Variants in TRIT1 observed in about 807,000 individuals in gnomAD.
The protein encoded by TRIT1 is tRNA isopentenyltransferase 1, also known as tRNA dimethylallyltransferase.
A neutral mutation model predicts 51.2 loss-of-function variants in TRIT1; 43 were observed. The ratio of observed to expected loss-of-function variants is 0.84; its 90% confidence interval spans 0.66 to 1.08. The LOEUF is 1.08. Ranked by LOEUF, TRIT1 falls within the 50% of genes least tolerant of loss-of-function variation. The pLI is 0.00. For synonymous variants in TRIT1, 184 were observed against 203.9 expected, an observed-to-expected ratio of 0.90 and a Z score of 0.83; for missense variants, 528 against 578.4, an observed-to-expected ratio of 0.91 and a Z score of 0.89.
chr1:39,845,692 C>T (rs777499474), intron 8 of TRIT1, among the ~76,000 whole-genome samples: 1 of 152,204 alleles, frequency 6.6e-6, no homozygotes, highest in Non-Finnish European at 1.5e-5. Flanking sequence ...GCTTCTGTGC[C>T]CTGTCTAAGC....
At chr1:39,864,910 C>A (rs538479270) in intron 1 of TRIT1, among the ~76,000 whole-genome samples, 1 of 152,192 alleles carries the variant, frequency 6.6e-6, no homozygotes, top group South Asian at 2.1e-4. Context: ...TCCTTCCCTG[C>A]AAGTTATCTT....
rs1041392283 is a variant in TRIT1, at chr1:39,847,393, G to A, written c.929-96C>T. 8.1e-5 allele frequency: 118 copies of A among 1,451,732 alleles called. 1 individual carries two copies. Among genetic ancestry groups the A allele is most frequent in the Admixed American group, 3.3e-4 (19 of 57,430 alleles). 89.9% of individuals were successfully genotyped at this position (1,451,732 alleles called of 1,614,324 possible). The stretch of plus-strand genomic sequence containing the variant: ...AGCCCAGCAGGAAAAAGTCAGCCAC[G>A]GCAGTGCAATGTCAGACTTGGTGGA... On this transcript the variant is annotated intron_variant, in intron 7 of 10. Coordinates refer to ENST00000316891, the MANE Select transcript of TRIT1 (RefSeq NM_017646.6).
rs1642745646 is a variant in TRIT1, at chr1:39,853,978, T to C, written c.406A>G (p.Asn136Asp). The C allele has an allele frequency of 6.2e-7, 1 of 1,611,460 alleles. No homozygotes were observed. The highest frequency in any genetic ancestry group is 8.5e-7 in the Non-Finnish European group (1 of 1,178,660). Reference sequence around the variant, plus strand: ...GAGTGAACTAAACTTACCTTGGTATTGACAAGAACTTTCCAGAGCAGAGAT... The same window carrying C: ...GAGTGAACTAAACTTACCTTGGTATCGACAAGAACTTTCCAGAGCAGAGAT... The part of the protein sequence containing the change: ...IESLLWKVLV[N>D]TKPQEMGTEK... The change falls in exon 3 of 11, where the codon AAT becomes GAT. Residue 136 changes from asparagine (N) to aspartate (D), a missense_variant. This residue lies in a region of TRIT1 where 468 missense variants were observed against 522.6 expected (regional missense o/e 0.90). Coordinates refer to ENST00000316891, the MANE Select transcript of TRIT1 (RefSeq NM_017646.6).
chr1:39,844,998 T>G (rs138524294), intron 8 of TRIT1, among the ~76,000 whole-genome samples: 1 of 152,308 alleles, frequency 6.6e-6, no homozygotes, highest in African/African-American at 2.4e-5. Flanking sequence ...TATTCTAAGT[T>G]CCATATCATC....
At chr1:39,845,964 A>G (rs1446887999) in intron 8 of TRIT1, among the ~76,000 whole-genome samples, 1 of 152,248 alleles carries the variant, frequency 6.6e-6, no homozygotes, top group Non-Finnish European at 1.5e-5. Flanking sequence ...TGGAGGAATT[A>G]TTGTGGTTTT....
intron 9 of TRIT1, 67 bp from the exon 10 acceptor site, chr1:39,844,285 G>A (rs1642095858): frequency 1.5e-6 from 2 of 1,344,942 alleles, no homozygotes; most frequent in Non-Finnish European, 2.1e-6. Flanking sequence ...TCTATTAAGG[G>A]AAATGGGATT....
At chr1:39,877,837 T>C (rs545451503) in intron 1 of TRIT1, among the ~76,000 whole-genome samples, 3 of 152,358 alleles carry the variant, frequency 2.0e-5, no homozygotes, top group East Asian at 1.9e-4. Context: ...GACAGCTCTT[T>C]AATCTTCTGT....
rs1035831625 is a variant in TRIT1, at chr1:39,838,990, A to G, written c.*2754T>C. 2.0e-5 allele frequency among the ~76,000 whole-genome samples: 3 copies of G among 152,236 alleles called. No homozygotes were observed. Among genetic ancestry groups the G allele is most frequent in the Non-Finnish European group, 4.4e-5 (3 of 68,042 alleles). On this transcript the variant is annotated 3_prime_UTR_variant, in exon 11 of 11. Transcript: ENST00000316891. ...AATCAAGCAAAGTATTTTCAAGTCT[A>G]GATCTCTCTTCAGAATCAAAGTACT...
chr1:39,844,435 AAAG>A (rs1181604184), intron 9 of TRIT1, 93 bp downstream of exon 9: 3 of 1,047,980 alleles, frequency 2.9e-6, no homozygotes, highest in African/African-American at 3.2e-5. Flanking sequence ...ATTCTATGGA[AAAG>A]AAGGCCTGGT....
At position 39,853,707 on chromosome 1, in the gene TRIT1, T is replaced by C. The variant is rs2311342; in HGVS notation, c.414+263A>G. Among the ~76,000 whole-genome samples, 86,165 of 152,020 alleles carry C rather than the reference T, an allele frequency of 0.57. 26,565 individuals are homozygous for C. The highest frequency in any genetic ancestry group is 0.83 in the African/African-American group (34,479 of 41,498). ...GATTACAGGTGTGAGCCACCACGCC[T>C]GGCCTAATGAACTGTTAATTTATAT... On this transcript the variant is annotated intron_variant, in intron 3 of 10. Transcript: ENST00000316891.
chr1:39,839,203 C>T lies in TRIT1; in HGVS notation c.*2541G>A. On this transcript the variant is annotated 3_prime_UTR_variant, in exon 11 of 11. Coordinates refer to ENST00000316891, the MANE Select transcript of TRIT1 (RefSeq NM_017646.6). ...TGGATACCTGGACTGGAGGGCTCTGCTTGCCTTGGGATTGCTATGGCCAGA... is the reference window on the plus strand; with the variant it reads ...TGGATACCTGGACTGGAGGGCTCTGTTTGCCTTGGGATTGCTATGGCCAGA... 6.6e-6 allele frequency among the ~76,000 whole-genome samples: 1 copy of T among 152,162 alleles called. No individual in the cohort carries two copies. Among genetic ancestry groups the T allele is most frequent in the East Asian group, 1.9e-4 (1 of 5,192 alleles).
intron 1 of TRIT1, among the ~76,000 whole-genome samples, chr1:39,858,532 GC>G (rs1325783608): frequency 1.3e-5 from 2 of 152,160 alleles, no homozygotes; most frequent in Non-Finnish European, 1.5e-5. Flanking sequence ...CATTTTAAGG[GC>G]CACATTGAGG....
rs531940878 is a variant in TRIT1, at chr1:39,869,254, C to T, written c.175-11837G>A. Among the ~76,000 whole-genome samples the T allele has an allele frequency of 1.5e-4, 23 of 152,296 alleles. No individual in the cohort carries two copies. The South Asian group carries it at 1.7e-3, about 11-fold the overall frequency. ...AGTGCCTGGGATTGCAGGCGCACGC[C>T]GCCACGCCTGACTGGTTTTCATATT... On this transcript the variant is annotated intron_variant, in intron 1 of 10. Transcript: ENST00000316891.
chr1:39,864,597 CAAAAA>C (rs58041605), intron 1 of TRIT1, among the ~76,000 whole-genome samples: 1 of 97,320 alleles, frequency 1.0e-5, no homozygotes. Context: ...GACTCTGTCT[CAAAAA>C]AAAAAAAAAA....
intron 1 of TRIT1, among the ~76,000 whole-genome samples, chr1:39,863,983 C>G (rs1643393553): frequency 6.6e-6 from 1 of 151,934 alleles, no homozygotes; most frequent in African/African-American, 2.4e-5. Context: ...CCTCCACCTC[C>G]CAGGTTCAAG....
intron 10 of TRIT1, 123 bp downstream of exon 10, chr1:39,843,978 G>A (rs1642071106): frequency 1.6e-6 from 1 of 626,322 alleles, no homozygotes; most frequent in Non-Finnish European, 2.8e-6. Flanking sequence ...GCTCTTAGAG[G>A]AATCTAGCTG....
intron 1 of TRIT1, among the ~76,000 whole-genome samples, chr1:39,868,307 C>A (rs150507856): frequency 6.6e-6 from 1 of 152,078 alleles, no homozygotes; most frequent in African/African-American, 2.4e-5. Flanking sequence ...AAAATATTTG[C>A]GAATAACATA....
In TRIT1 at chr1:39,863,669, C is replaced by T. The variant is rs1002500022; in HGVS notation, c.175-6252G>A. Among the ~76,000 whole-genome samples, 144 of 149,592 alleles carry T rather than the reference C, an allele frequency of 9.6e-4. 2 individuals are homozygous for T. Among genetic ancestry groups the T allele is most frequent in the African/African-American group, 3.2e-3 (130 of 40,552 alleles). On this transcript the variant is annotated intron_variant, in intron 1 of 10. Coordinates refer to ENST00000316891, the MANE Select transcript of TRIT1 (RefSeq NM_017646.6). ...AAAAAAATTTGTAAAAATGGTACAA[C>T]GCTGAAATAACCTGAACTCTCCAAA...
intron 1 of TRIT1, among the ~76,000 whole-genome samples, chr1:39,883,048 T>C (rs1302046972): frequency 6.6e-6 from 1 of 152,198 alleles, no homozygotes; most frequent in Non-Finnish European, 1.5e-5. Flanking sequence ...AAAAAATCGT[T>C]TCACCTCCCT....
Sources: gnomAD v4.1 joint callset for allele counts (sites outside exome capture counted in the v4.1 genomes callset) on GRCh38, gnomAD v4.1.1 for gene constraint, gnomAD v4.1.1 regional missense constraint, MANE v1.5 for transcripts, NCBI Gene and HGNC (gene_info 2026-07-23, HGNC 2026-07-21) for gene names.